THSD4: variants seen among roughly 807,000 people sequenced by gnomAD.
THSD4 encodes thrombospondin type 1 domain containing 4.
A neutral mutation model predicts 119.0 loss-of-function variants in THSD4; 69 were observed. The observed-to-expected ratio is 0.58, with a 90% CI of 0.48 to 0.71. The LOEUF (loss-of-function observed/expected upper bound fraction) is 0.71. THSD4 is among the 30% of genes least tolerant of loss of function. The pLI is 0.00. For missense variants in THSD4, 1,393 were observed against 1,391.1 expected, an observed-to-expected ratio of 1.00 and a Z score of -0.02; for synonymous variants, 524 against 540.4, an observed-to-expected ratio of 0.97 and a Z score of 0.42.
intron 7 of THSD4, among the ~76,000 whole-genome samples, chr15:71,593,738 GA>G (rs2049852876): frequency 6.6e-6 from 1 of 151,508 alleles, no homozygotes; most frequent in Non-Finnish European, 1.5e-5. Context: ...TGTCTCTATA[GA>G]AAAAAAATGC....
chr15:71,359,984 G>C (rs1303331334), intron 6 of THSD4, among the ~76,000 whole-genome samples: 1 of 152,202 alleles, frequency 6.6e-6, no homozygotes, highest in Non-Finnish European at 1.5e-5. Context: ...CCAAAATTGA[G>C]TAGCTTAAAG....
At chr15:71,772,828 T>C (rs1278886490) in intron 17 of THSD4, among the ~76,000 whole-genome samples, 1 of 152,170 alleles carries the variant, frequency 6.6e-6, no homozygotes, top group African/African-American at 2.4e-5. Flanking sequence ...GAGACCACAC[T>C]GAAGATCCCT....
chr15:71,623,502 G>A (rs182691380), intron 7 of THSD4, among the ~76,000 whole-genome samples: 83 of 152,292 alleles, frequency 5.5e-4, no homozygotes, highest in African/African-American at 1.9e-3. Flanking sequence ...TAAAAGAGGA[G>A]CATTAGAAAT....
intron 7 of THSD4, among the ~76,000 whole-genome samples, chr15:71,611,799 T>G (rs1423808387): frequency 6.6e-6 from 1 of 152,218 alleles, no homozygotes; most frequent in Admixed American, 6.5e-5. Flanking sequence ...GTGAAAGCCC[T>G]GAGTCAAGAA....
At chr15:71,238,072 G>A (rs981155772) in intron 4 of THSD4, among the ~76,000 whole-genome samples, 3 of 151,998 alleles carry the variant, frequency 2.0e-5, no homozygotes, top group Non-Finnish European at 2.9e-5. Flanking sequence ...GGGGCGGGGT[G>A]GGGGTGTTCC....
intron 6 of THSD4, among the ~76,000 whole-genome samples, chr15:71,323,096 TAAAAAAAAAAAAA>T (rs34395762): frequency 1.0e-5 from 1 of 98,544 alleles, no homozygotes; most frequent in Non-Finnish European, 2.0e-5. Flanking sequence ...GACCCTGTCT[TAAAAAAAAAAAAA>T]AAAAAAAAAA....
chr15:71,248,916 A>G (rs1170714366), intron 5 of THSD4, among the ~76,000 whole-genome samples: 2 of 152,154 alleles, frequency 1.3e-5, no homozygotes, highest in Non-Finnish European at 2.9e-5. Flanking sequence ...CTTGCCAGGA[A>G]CCATGAGGCC....
intron 7 of THSD4, among the ~76,000 whole-genome samples, chr15:71,481,660 A>G (rs2047731456): frequency 7.1e-6 from 1 of 141,756 alleles, no homozygotes; most frequent in Admixed American, 7.4e-5. Flanking sequence ...TTTGTTCATT[A>G]AGCCTGTAAT....
At chr15:71,293,745 TCATAGGTTA>T (rs1596319258) in intron 6 of THSD4, among the ~76,000 whole-genome samples, 1 of 152,332 alleles carries the variant, frequency 6.6e-6, no homozygotes, top group East Asian at 1.9e-4. Context: ...TGCTTTGTCC[TCATAGGTTA>T]AAACGTTTTA....
chr15:71,765,289 C>A, intron 16 of THSD4, 90 bp downstream of exon 16: 1 of 1,441,764 alleles, frequency 6.9e-7, no homozygotes, highest in Non-Finnish European at 9.2e-7. Context: ...GCACTGGGTT[C>A]AGCCCTGAAA....
At chr15:71,129,818 A>C (rs2040487112) in intron 1 of THSD4, among the ~76,000 whole-genome samples, 1 of 152,218 alleles carries the variant, frequency 6.6e-6, no homozygotes, top group South Asian at 2.1e-4. Flanking sequence ...CACTTAAAAA[A>C]ATAATGACAT....
At chr15:71,102,316 A>T (rs1473464120) in intron 1 of THSD4, among the ~76,000 whole-genome samples, 5 of 151,932 alleles carry the variant, frequency 3.3e-5, no homozygotes, top group Admixed American at 6.6e-5. Flanking sequence ...TTTTTTTCCC[A>T]TTCAACATCC....
intron 17 of THSD4, among the ~76,000 whole-genome samples, chr15:71,772,509 A>G (rs970203523): frequency 2.0e-5 from 3 of 152,376 alleles, no homozygotes; most frequent in Non-Finnish European, 4.4e-5. Context: ...ATGTTCCTGA[A>G]TGGGAACACT....
chr15:71,760,044 A>G (rs1277866438), intron 15 of THSD4, among the ~76,000 whole-genome samples: 1 of 152,196 alleles, frequency 6.6e-6, no homozygotes, highest in Non-Finnish European at 1.5e-5. Flanking sequence ...TTGAAAGGTA[A>G]GTTTTAAACA....
chr15:71,218,329 A>C (rs1421575102), intron 4 of THSD4, among the ~76,000 whole-genome samples: 1 of 152,090 alleles, frequency 6.6e-6, no homozygotes, highest in Non-Finnish European at 1.5e-5. Context: ...GTGCCAACTG[A>C]AGGGATGGAG....
intron 7 of THSD4, among the ~76,000 whole-genome samples, chr15:71,464,086 T>C (rs1367353307): frequency 6.6e-6 from 1 of 152,226 alleles, no homozygotes; most frequent in Non-Finnish European, 1.5e-5. Context: ...TTGTCCAGCC[T>C]TCTGCATTAG....
At chr15:71,448,247 C>T (rs1309638798) in intron 7 of THSD4, among the ~76,000 whole-genome samples, 2 of 152,198 alleles carry the variant, frequency 1.3e-5, no homozygotes, top group African/African-American at 4.8e-5. Flanking sequence ...TCCACATCCT[C>T]ATTGAGAATA....
chr15:71,258,211 C>T (rs1567172267), intron 6 of THSD4, among the ~76,000 whole-genome samples: 2 of 152,146 alleles, frequency 1.3e-5, no homozygotes, highest in Non-Finnish European at 2.9e-5. Context: ...TGGAGTCTTG[C>T]ACTATTGCCC....
At chr15:71,420,535 T>C (rs1463009437) in intron 7 of THSD4, among the ~76,000 whole-genome samples, 1 of 107,398 alleles carries the variant, frequency 9.3e-6, no homozygotes, top group Non-Finnish European at 2.0e-5. Context: ...GATTGTTTTG[T>C]AGTCTTCTCT....
Sources: gnomAD v4.1 joint callset for allele counts (sites outside exome capture counted in the v4.1 genomes callset) on GRCh38, gnomAD v4.1.1 for gene constraint, MANE v1.5 for transcripts, NCBI Gene and HGNC (gene_info 2026-07-23, HGNC 2026-07-21) for gene names.